GRM8: variants seen among roughly 807,000 people sequenced by gnomAD.
GRM8 encodes the protein metabotropic glutamate receptor 8.
GRM8 carries 47 observed loss-of-function variants against 87.2 expected under a neutral mutation model. That is an observed-to-expected ratio of 0.54 (90% CI 0.43 to 0.69). The LOEUF is 0.69. GRM8 is among the 30% of genes least tolerant of loss of function. GRM8 has a pLI of 0.00. For missense variants in GRM8, 1,019 were observed against 1,139.2 expected (o/e 0.89, Z 1.52); for synonymous variants, 396 against 404.5 (o/e 0.98, Z 0.25).
At chr7:126,505,120 A>G (rs2150715018) in intron 9 of GRM8, among the ~76,000 whole-genome samples, 1 of 152,150 alleles carries the variant, frequency 6.6e-6, no homozygotes, top group South Asian at 2.1e-4. Context: ...GACGGATGCA[A>G]GCAAACCTTC....
intron 1 of GRM8, among the ~76,000 whole-genome samples, chr7:127,250,436 C>T (rs1368147369): frequency 6.6e-6 from 1 of 152,212 alleles, no homozygotes; most frequent in African/African-American, 2.4e-5. Context: ...CAGCTGTGTT[C>T]TCAGTATCTT....
At chr7:127,003,520 AT>A (rs1355370416) in intron 3 of GRM8, among the ~76,000 whole-genome samples, 20 of 151,734 alleles carry the variant, frequency 1.3e-4, no homozygotes. Context: ...AAGGGAGGAC[AT>A]TTTGTGCCAA....
chr7:126,766,765 C>T (rs542520902), intron 7 of GRM8, among the ~76,000 whole-genome samples: 144 of 152,232 alleles, frequency 9.5e-4, no homozygotes, highest in Non-Finnish European at 1.2e-3. Context: ...TGGCCAATGG[C>T]CTCCTTGCAC....
rs1315157462 is a variant in GRM8 at position 127,031,367 on chromosome 7, A to AT, written c.727+75128dup. Reference sequence around the variant, plus strand: ...ATTTCTCTATGTCCCTATTTATACTATTTTTTTAAATTATTTATTTTCAAT... The same window carrying AT: ...ATTTCTCTATGTCCCTATTTATACTATTTTTTTTAAATTATTTATTTTCAAT... On this transcript the variant is annotated intron_variant, in intron 3 of 10. Transcript: ENST00000339582. Among the ~76,000 whole-genome samples the AT allele has an allele frequency of 3.3e-5, 5 of 152,092 alleles. No homozygotes were observed. In the East Asian group the frequency reaches 7.7e-4, roughly 24 times the overall value.
At chr7:127,089,296 C>T (rs933890773) in intron 3 of GRM8, among the ~76,000 whole-genome samples, 1 of 152,206 alleles carries the variant, frequency 6.6e-6, no homozygotes, top group African/African-American at 2.4e-5. Flanking sequence ...AGGAGAGAAG[C>T]ATGGAGCAGA....
chr7:126,550,287 G>A (rs1792438716), intron 8 of GRM8, among the ~76,000 whole-genome samples: 1 of 151,810 alleles, frequency 6.6e-6, no homozygotes, highest in Non-Finnish European at 1.5e-5. Flanking sequence ...GCTAATTTTT[G>A]TATTTTTAGT....
intron 9 of GRM8, among the ~76,000 whole-genome samples, chr7:126,502,461 G>T (rs1415667060): frequency 1.3e-5 from 2 of 152,136 alleles, no homozygotes; most frequent in African/African-American, 4.8e-5. Context: ...CCACAAAAGT[G>T]TCTGCTATAT....
At chr7:126,769,471 C>A (rs1818587315) in intron 7 of GRM8, among the ~76,000 whole-genome samples, 1 of 152,050 alleles carries the variant, frequency 6.6e-6, no homozygotes, top group African/African-American at 2.4e-5. Context: ...TCAAGTCAAC[C>A]TACTGTTTCA....
chr7:126,573,991 A>C (rs367734082), intron 8 of GRM8, among the ~76,000 whole-genome samples: 1 of 152,248 alleles, frequency 6.6e-6, no homozygotes, highest in African/African-American at 2.4e-5. Flanking sequence ...CAAACAATTC[A>C]AAAAGGTTGC....
chr7:127,216,444 G>A (rs1003917381), intron 2 of GRM8, among the ~76,000 whole-genome samples: 5 of 148,826 alleles, frequency 3.4e-5, no homozygotes, highest in African/African-American at 1.3e-4. Flanking sequence ...CTTGAACCCA[G>A]CAGGCGGAGG....
At chr7:127,022,435 A>C (rs1056611567) in intron 3 of GRM8, among the ~76,000 whole-genome samples, 1 of 152,110 alleles carries the variant, frequency 6.6e-6, no homozygotes, top group Non-Finnish European at 1.5e-5. Flanking sequence ...AATGACTATA[A>C]TAATTCTTTA....
At chr7:126,987,056 C>T (rs995294488) in intron 3 of GRM8, among the ~76,000 whole-genome samples, 4 of 152,206 alleles carry the variant, frequency 2.6e-5, no homozygotes, top group African/African-American at 9.7e-5. Flanking sequence ...GAATTTGAAC[C>T]TATGAGTCTG....
intron 2 of GRM8, among the ~76,000 whole-genome samples, chr7:127,205,088 T>C (rs543757539): frequency 6.6e-6 from 1 of 152,326 alleles, no homozygotes; most frequent in African/African-American, 2.4e-5. Flanking sequence ...CCTGATTGTA[T>C]GAGACAAGAA....
chr7:126,683,684 G>T (rs1184814754), intron 7 of GRM8, among the ~76,000 whole-genome samples: 1 of 152,034 alleles, frequency 6.6e-6, no homozygotes, highest in East Asian at 1.9e-4. Context: ...TCAATCAGGT[G>T]TTTAAATACA....
intron 2 of GRM8, among the ~76,000 whole-genome samples, chr7:127,150,887 G>A (rs781089171): frequency 1.3e-5 from 2 of 152,062 alleles, no homozygotes; most frequent in African/African-American, 2.4e-5. Flanking sequence ...ATCTGAAGTA[G>A]GTAAGCCCTG....
At chr7:126,496,310 G>A (rs1481241919) in intron 9 of GRM8, among the ~76,000 whole-genome samples, 1 of 151,752 alleles carries the variant, frequency 6.6e-6, no homozygotes, top group South Asian at 2.1e-4. Flanking sequence ...GGGAAGAAAC[G>A]AAAGAGAATC....
chr7:127,014,136 A>G (rs1815166200), intron 3 of GRM8, among the ~76,000 whole-genome samples: 1 of 152,200 alleles, frequency 6.6e-6, no homozygotes, highest in Admixed American at 6.5e-5. Context: ...GACAAGGTCA[A>G]AGATGGAAAG....
At chr7:127,228,324 T>C (rs1797472122) in intron 2 of GRM8, 1 of 152,180 alleles carries the variant, frequency 6.6e-6, no homozygotes, top group Admixed American at 6.5e-5. Flanking sequence ...GTGCCTGGCA[T>C]ATGGGAAGCT....
intron 9 of GRM8, among the ~76,000 whole-genome samples, chr7:126,516,957 G>GA (rs970420437): frequency 2.6e-5 from 4 of 151,444 alleles, no homozygotes; most frequent in Admixed American, 6.6e-5. Context: ...GTGGAGAATA[G>GA]AAAAAAAAGT....
Sources: allele counts gnomAD v4.1 joint callset (sites outside exome capture counted in the v4.1 genomes callset), GRCh38; gene constraint gnomAD v4.1.1; transcripts MANE v1.5; gene names NCBI Gene and HGNC (gene_info 2026-07-23, HGNC 2026-07-21).